The following PRORP variants were observed in gnomAD, a reference collection of about 807,000 sequenced individuals.
The protein encoded by PRORP is mitochondrial ribonuclease P catalytic subunit.
PRORP carries 51 observed loss-of-function variants against 59.4 expected under a neutral mutation model. The observed-to-expected ratio is 0.86, with a 90% CI of 0.69 to 1.08. The LOEUF (loss-of-function observed/expected upper bound fraction) is 1.08, where lower values mean the gene tolerates loss of function less well. Ranked by LOEUF, PRORP falls within the 50% of genes least tolerant of loss-of-function variation. PRORP has a pLI of 0.00. For missense variants in PRORP, 646 were observed against 690.3 expected, an observed-to-expected ratio of 0.94 and a Z score of 0.72; for synonymous variants, 231 against 245.6, an observed-to-expected ratio of 0.94 and a Z score of 0.55.
At chr14:35,192,475 G>A (rs1020173169) in intron 5 of PRORP, among the ~76,000 whole-genome samples, 1 of 152,142 alleles carries the variant, frequency 6.6e-6, no homozygotes, top group Non-Finnish European at 1.5e-5. Flanking sequence ...TTCCTTCATA[G>A]TAGTTTTTTG....
At chr14:35,239,947 C>T (rs1450230503) in intron 5 of PRORP, among the ~76,000 whole-genome samples, 3 of 151,876 alleles carry the variant, frequency 2.0e-5, no homozygotes, top group Middle Eastern at 3.2e-3. Context: ...TGGTGGCGTG[C>T]GCCTGTAGTC....
chr14:35,240,038 G>A (rs1422691360), intron 5 of PRORP, among the ~76,000 whole-genome samples: 2 of 147,772 alleles, frequency 1.4e-5, no homozygotes, highest in Non-Finnish European at 3.0e-5. Context: ...TCATGCCACT[G>A]CACTCCAACC....
At chr14:35,163,453 C>G (rs192893310) in intron 4 of PRORP, among the ~76,000 whole-genome samples, 24 of 152,158 alleles carry the variant, frequency 1.6e-4, no homozygotes, top group Admixed American at 1.4e-3. Flanking sequence ...GTAATCATAG[C>G]CATTCTAACT....
At chr14:35,272,957 T>C (rs1428693774) in intron 7 of PRORP, among the ~76,000 whole-genome samples, 2 of 152,240 alleles carry the variant, frequency 1.3e-5, no homozygotes, top group Admixed American at 6.5e-5. Flanking sequence ...TATAAATAGT[T>C]GTTTCTGTAT....
At chr14:35,209,137 G>A (rs1332297350) in intron 5 of PRORP, among the ~76,000 whole-genome samples, 1 of 151,968 alleles carries the variant, frequency 6.6e-6, no homozygotes, top group African/African-American at 2.4e-5. Context: ...TCGTGCCACT[G>A]AACCCCAGCC....
In PRORP at chr14:35,170,145, T is replaced by C. The variant is rs2048279467; in HGVS notation, c.1168-10525T>C. 3.9e-5 allele frequency among the ~76,000 whole-genome samples: 6 copies of C among 152,206 alleles called. No homozygotes were observed. In the South Asian group the frequency reaches 1.2e-3, roughly 31 times the overall value. Reference sequence around the variant, plus strand: ...CAAGTTTCTTAAGCTTATTGATGCATGATACATATTTTTCCCTACTTTTCA... The same window carrying C: ...CAAGTTTCTTAAGCTTATTGATGCACGATACATATTTTTCCCTACTTTTCA... On this transcript the variant is annotated intron_variant, in intron 4 of 7. Coordinates refer to ENST00000534898, the MANE Select transcript of PRORP (RefSeq NM_014672.4).
chr14:35,201,331 G>T (rs556628692), intron 5 of PRORP, among the ~76,000 whole-genome samples: 1 of 152,156 alleles, frequency 6.6e-6, no homozygotes, highest in African/African-American at 2.4e-5. Context: ...AAGAGCTGGC[G>T]GGAGGAGTTA....
intron 5 of PRORP, among the ~76,000 whole-genome samples, chr14:35,216,440 C>A (rs1385605513): frequency 1.2e-4 from 18 of 151,834 alleles, no homozygotes; most frequent in African/African-American, 4.3e-4. Flanking sequence ...CCCCAAGTAG[C>A]TGGGACCAGA....
intron 5 of PRORP, among the ~76,000 whole-genome samples, chr14:35,192,272 C>T (rs2048902431): frequency 6.6e-6 from 1 of 152,216 alleles, no homozygotes; most frequent in Non-Finnish European, 1.5e-5. Context: ...CTTCCATCTT[C>T]AAATGGCTGG....
chr14:35,184,932 A>C (rs1223675273), intron 5 of PRORP, among the ~76,000 whole-genome samples: 1 of 152,118 alleles, frequency 6.6e-6, no homozygotes, highest in Non-Finnish European at 1.5e-5. Flanking sequence ...ATTGATGGGC[A>C]TTTAGGTTGA....
Position 35,123,980 on chromosome 14 carries a change from G to T in PRORP, c.735G>T (p.Lys245Asn), listed in dbSNP as rs763770786. The change falls in exon 2 of 8, where the codon AAG becomes AAT. Residue 245 changes from lysine (K) to asparagine (N), a missense_variant. Lys to Asn is a moderately conservative substitution (Grantham distance 94). Transcript: ENST00000534898. The stretch of plus-strand genomic sequence containing the variant: ...AAAAAGTTATAACTCCTTCAAAAAA[G>T]AACTATAATGACTGTATCCAGGGAG... ...DIKKVITPSK[K>N]NYNDCIQGAL... 4.3e-6 allele frequency: 7 copies of T among 1,613,914 alleles called. No individual in the cohort carries two copies.
intron 6 of PRORP, among the ~76,000 whole-genome samples, chr14:35,268,786 GGGTT>G (rs1329610801): frequency 6.6e-6 from 1 of 152,080 alleles, no homozygotes; most frequent in Non-Finnish European, 1.5e-5. Context: ...AGTGGAGATG[GGGTT>G]TCACCATGTT....
At chr14:35,132,005 A>G (rs1222629457) in intron 4 of PRORP, among the ~76,000 whole-genome samples, 1 of 151,418 alleles carries the variant, frequency 6.6e-6, no homozygotes, top group African/African-American at 2.4e-5. Context: ...ACGCCTGGCT[A>G]ATTTTTGTAT....
intron 4 of PRORP, among the ~76,000 whole-genome samples, chr14:35,173,789 C>G (rs1456519405): frequency 6.6e-6 from 1 of 151,826 alleles, no homozygotes; most frequent in African/African-American, 2.4e-5. Context: ...TATTGTTGTT[C>G]TCTCTCGTGG....
chr14:35,165,252 A>G (rs139933399), intron 4 of PRORP, among the ~76,000 whole-genome samples: 5 of 152,112 alleles, frequency 3.3e-5, no homozygotes, highest in African/African-American at 1.2e-4. Context: ...GGCTCTGGCA[A>G]TCTTCCTGCC....
At chr14:35,257,118 G>T (rs199995339) in intron 5 of PRORP, among the ~76,000 whole-genome samples, 1 of 151,904 alleles carries the variant, frequency 6.6e-6, no homozygotes, top group African/African-American at 2.4e-5. Context: ...CAAGTGATTT[G>T]CCCGCCTCAG....
chr14:35,130,761 G>A (rs1418136222), intron 4 of PRORP, among the ~76,000 whole-genome samples: 1 of 151,878 alleles, frequency 6.6e-6, no homozygotes, highest in Admixed American at 6.6e-5. Context: ...TGGGATTACA[G>A]GTGTGAGCTA....
At chr14:35,122,119 A>G, upstream of PRORP, 1 of 649,488 alleles carries the variant, frequency 1.5e-6, no homozygotes, top group Non-Finnish European at 2.7e-6. Flanking sequence ...GGCAAAAACA[A>G]TTACTGTCAC....
At chr14:35,240,075 A>AC (rs1491307007) in intron 5 of PRORP, among the ~76,000 whole-genome samples, 1 of 62,368 alleles carries the variant, frequency 1.6e-5, no homozygotes, top group Non-Finnish European at 4.6e-5. Flanking sequence ...ACTCCATCTC[A>AC]AAAAAAAAAA....
Sources: gnomAD v4.1 joint callset for allele counts (sites outside exome capture counted in the v4.1 genomes callset) on GRCh38, gnomAD v4.1.1 for gene constraint, MANE v1.5 for transcripts, NCBI Gene and HGNC (gene_info 2026-07-23, HGNC 2026-07-21) for gene names.